Variants in YIPF4 observed in about 807,000 individuals in gnomAD.
YIPF4 encodes protein YIPF4.
Under a neutral mutation model 29.4 loss-of-function variants are expected in YIPF4, and 18 were observed. That is an observed-to-expected ratio of 0.61 (90% confidence interval 0.42 to 0.91). The LOEUF is 0.91. YIPF4 is among the 40% of genes least tolerant of loss of function. The pLI, the probability that YIPF4 is intolerant of heterozygous loss-of-function variation, is 0.00. For missense variants in YIPF4, 279 were observed against 282.7 expected (o/e 0.99, Z 0.09); for synonymous variants, 115 against 104.7 (o/e 1.10, Z -0.60).
At chr2:32,292,018 C>T (rs930357033) in intron 2 of YIPF4, among the ~76,000 whole-genome samples, 159 bp from the exon 3 acceptor site, 17 of 152,252 alleles carry the variant, frequency 1.1e-4, no homozygotes, top group African/African-American at 4.1e-4. Flanking sequence ...TAAAAATGTA[C>T]AGCTTGGAAT....
chr2:32,308,320 A>G lies in YIPF4; in HGVS notation c.*2694A>G, dbSNP rs900817875. The G allele has an allele frequency of 2.0e-5, 3 of 152,158 alleles. No homozygotes were observed. Among genetic ancestry groups the G allele is most frequent in the Non-Finnish European group, 2.9e-5 (2 of 68,138 alleles). The allele number at this position is 152,158 out of a possible 1,614,324, so 9.4% of individuals were successfully genotyped here. On this transcript the variant is annotated 3_prime_UTR_variant, in exon 6 of 6. Transcript: ENST00000238831. The stretch of plus-strand genomic sequence containing the variant: ...GAGATGGGGTTTCACCGTGTTAACC[A>G]GGATGGTCTCGATCTCCTGACCTCG...
rs192192981 is a variant in YIPF4 at position 32,313,618 on chromosome 2, A to G, written c.*7992A>G. ...CAACCTCCGGTGATCTGCCCACCTC[A>G]ACCTCCCAAAGTGCTGGGATTACAG... On this transcript the variant is annotated 3_prime_UTR_variant, in exon 6 of 6. Coordinates refer to ENST00000238831, the MANE Select transcript of YIPF4 (RefSeq NM_032312.4). 1,297 of 152,262 alleles carry G rather than the reference A, an allele frequency of 8.5e-3. 10 individuals carry two copies. Among genetic ancestry groups the G allele is most frequent in the South Asian group, 0.018 (85 of 4,820 alleles). 9.4% of individuals were successfully genotyped at this position (152,262 alleles called of 1,614,324 possible). A position where few individuals can be genotyped will look rare whatever the true frequency, so the allele number is the denominator to read the frequency against.
intron 1 of YIPF4, among the ~76,000 whole-genome samples, chr2:32,278,565 C>A (rs906078077): frequency 6.6e-6 from 1 of 151,984 alleles, no homozygotes; most frequent in Non-Finnish European, 1.5e-5. Flanking sequence ...CGCCCTTACT[C>A]AGAAAAAGGA....
intron 5 of YIPF4, among the ~76,000 whole-genome samples, chr2:32,304,056 T>G (rs2031493411): frequency 6.6e-6 from 1 of 152,218 alleles, no homozygotes; most frequent in Admixed American, 6.5e-5. Context: ...AATGGAAAAC[T>G]CTTTTTTATA....
intron 4 of YIPF4, among the ~76,000 whole-genome samples, chr2:32,298,809 T>G (rs1340563581): frequency 6.6e-6 from 1 of 152,032 alleles, no homozygotes; most frequent in African/African-American, 2.4e-5. Flanking sequence ...TCTGCCTGTT[T>G]AGCCTCCCAA....
chr2:32,286,018 C>G (rs932737107), intron 1 of YIPF4, among the ~76,000 whole-genome samples: 29 of 152,116 alleles, frequency 1.9e-4, no homozygotes, highest in African/African-American at 7.0e-4. Flanking sequence ...TTTTTGAAAA[C>G]TGAAAATGAC....
Position 32,308,003 on chromosome 2 carries a change from T to C in YIPF4, c.*2377T>C, listed in dbSNP as rs530074253. 1 of 150,788 alleles carries C rather than the reference T, an allele frequency of 6.6e-6. No homozygotes were observed. The highest frequency in any genetic ancestry group is 1.9e-4 in the East Asian group (1 of 5,132). 9.3% of individuals were successfully genotyped at this position (150,788 alleles called of 1,614,324 possible). A position where few individuals can be genotyped will look rare whatever the true frequency, so the allele number is the denominator to read the frequency against. On this transcript the variant is annotated 3_prime_UTR_variant, in exon 6 of 6. Coordinates refer to ENST00000238831, the MANE Select transcript of YIPF4 (RefSeq NM_032312.4). Reference sequence around the variant, plus strand: ...GACACAGTACTGCTATGGCTAATAATGGTAAGATGACCCTAATAATGTCCT... The same window carrying C: ...GACACAGTACTGCTATGGCTAATAACGGTAAGATGACCCTAATAATGTCCT...
chr2:32,298,191 T>C (rs1428962495), intron 3 of YIPF4, 43 bp from the exon 4 acceptor site: 2 of 1,422,580 alleles, frequency 1.4e-6, no homozygotes, highest in Non-Finnish European at 9.9e-7. Flanking sequence ...ATTATCATCT[T>C]ATTTGGTATA....
At chr2:32,294,270 C>T (rs1053305941) in intron 3 of YIPF4, among the ~76,000 whole-genome samples, 41 of 150,670 alleles carry the variant, frequency 2.7e-4, no homozygotes, top group East Asian at 1.2e-3. Context: ...ACTTCTCAGA[C>T]GGGGCGGCTG....
intron 3 of YIPF4, among the ~76,000 whole-genome samples, chr2:32,296,486 GA>G (rs1054999449): frequency 7.0e-4 from 105 of 150,442 alleles, no homozygotes; most frequent in African/African-American, 2.2e-3. Flanking sequence ...AAAAAAAAAG[GA>G]AAAAAAACCC....
intron 1 of YIPF4, among the ~76,000 whole-genome samples, chr2:32,286,641 G>A (rs1480107511): frequency 6.6e-6 from 1 of 152,030 alleles, no homozygotes; most frequent in Non-Finnish European, 1.5e-5. Flanking sequence ...CACCTCCCGG[G>A]CTCAAGTGAT....
intron 1 of YIPF4, among the ~76,000 whole-genome samples, chr2:32,280,641 C>G (rs943853674): frequency 6.6e-6 from 1 of 152,090 alleles, no homozygotes. Flanking sequence ...CTCGGCCTCC[C>G]AAAGTGCTGG....
intron 3 of YIPF4, among the ~76,000 whole-genome samples, chr2:32,293,235 C>G (rs896519787): frequency 1.3e-5 from 2 of 152,018 alleles, no homozygotes; most frequent in African/African-American, 4.8e-5. Flanking sequence ...GAGGACCCTG[C>G]GGCCTTCTGC....
chr2:32,297,188 A>G (rs2031222468), intron 3 of YIPF4, among the ~76,000 whole-genome samples: 2 of 151,434 alleles, frequency 1.3e-5, no homozygotes, highest in Admixed American at 1.3e-4. Flanking sequence ...GCAATGGCGC[A>G]ATCTTGGCTC....
rs1279932388 is a variant in YIPF4, at chr2:32,307,313, G to C, written c.*1687G>C. 7 of 254,148 alleles carry C rather than the reference G, an allele frequency of 2.8e-5. No homozygotes were observed. Among genetic ancestry groups the C allele is most frequent in the Non-Finnish European group, 5.1e-5 (7 of 137,502 alleles). The allele number at this position is 254,148 out of a possible 1,614,324, so 15.7% of individuals were successfully genotyped here. A position where few individuals can be genotyped will look rare whatever the true frequency, so the allele number is the denominator to read the frequency against. ...CTTTCACAGAAAGCTTGGGGGTCAG[G>C]ACCAGGAGGTAGAATTTTACAAGGC... On this transcript the variant is annotated 3_prime_UTR_variant, in exon 6 of 6. Coordinates refer to ENST00000238831, the MANE Select transcript of YIPF4 (RefSeq NM_032312.4).
rs2031711720 is a variant in YIPF4 at position 32,311,336 on chromosome 2, A to C, written c.*5710A>C. The C allele has an allele frequency of 6.6e-6, 1 of 152,230 alleles. No individual in the cohort carries two copies. The highest frequency in any genetic ancestry group is 1.9e-4 in the East Asian group (1 of 5,206). The allele number at this position is 152,230 out of a possible 1,614,324, so 9.4% of individuals were successfully genotyped here. A position where few individuals can be genotyped will look rare whatever the true frequency, so the allele number is the denominator to read the frequency against. On this transcript the variant is annotated 3_prime_UTR_variant, in exon 6 of 6. Coordinates refer to ENST00000238831, the MANE Select transcript of YIPF4 (RefSeq NM_032312.4). ...GTTATTAAACATGAAATTTAGGATT[A>C]GTTTTCTCTTTGAAAATTCTTTTGA...
At chr2:32,283,779 G>A (rs1023546343) in intron 1 of YIPF4, among the ~76,000 whole-genome samples, 8 of 150,948 alleles carry the variant, frequency 5.3e-5, no homozygotes, top group East Asian at 1.9e-4. Flanking sequence ...GTGCAATGGC[G>A]CAATCTTGGC....
chr2:32,305,771 A>AT lies in YIPF4; in HGVS notation c.*154dup, dbSNP rs200654668. ...GGAAGTCTAAGCGCTTTTTAAAACA[A>AT]TTTTTTTTTGTATTTAATTAAGCAA... On this transcript the variant is annotated 3_prime_UTR_variant, in exon 6 of 6. Transcript: ENST00000238831. 620 of 1,240,440 alleles carry AT rather than the reference A, an allele frequency of 5.0e-4. 3 individuals are homozygous for AT. In the East Asian group the frequency reaches 6.6e-3, roughly 13 times the overall value. The allele number at this position is 1,240,440 out of a possible 1,614,324, so 76.8% of individuals were successfully genotyped here.
At chr2:32,286,266 G>A (rs1431841676) in intron 1 of YIPF4, among the ~76,000 whole-genome samples, 1 of 152,164 alleles carries the variant, frequency 6.6e-6, no homozygotes, top group Non-Finnish European at 1.5e-5. Context: ...TGATAGTTAT[G>A]TGAGTTTGTA....
Sources: allele counts gnomAD v4.1 joint callset (sites outside exome capture counted in the v4.1 genomes callset), GRCh38; gene constraint gnomAD v4.1.1; transcripts MANE v1.5; gene names NCBI Gene and HGNC (gene_info 2026-07-23, HGNC 2026-07-21).